Variants in STRN3 observed in about 807,000 individuals in gnomAD.
The protein encoded by STRN3 is striatin-3.
Under a neutral mutation model 95.6 loss-of-function variants are expected in STRN3, and 29 were observed. The ratio of observed to expected loss-of-function variants is 0.30; its 90% CI spans 0.23 to 0.41. STRN3 has a LOEUF of 0.41. Among genes scored for constraint, STRN3 ranks in the 10% least tolerant of loss-of-function variants. The pLI, the probability that STRN3 is intolerant of heterozygous loss-of-function variation, is 1.00. For synonymous variants in STRN3, 331 were observed against 357.6 expected (o/e 0.93, Z 0.84); for missense variants, 890 against 972.1 (o/e 0.92, Z 1.12).
chr14:30,931,238 A>G (rs1426107074), intron 7 of STRN3, among the ~76,000 whole-genome samples: 1 of 152,204 alleles, frequency 6.6e-6, no homozygotes, highest in Non-Finnish European at 1.5e-5. Context: ...TTGCCTGGTA[A>G]GTAACAGCTG....
chr14:30,990,122 C>A (rs978122838), intron 1 of STRN3, among the ~76,000 whole-genome samples: 1 of 150,638 alleles, frequency 6.6e-6, no homozygotes, highest in East Asian at 2.0e-4. Flanking sequence ...AACAGTAAAC[C>A]AGAGTGGCAA....
At chr14:30,946,587 T>C (rs1323397802) in intron 5 of STRN3, among the ~76,000 whole-genome samples, 2 of 151,978 alleles carry the variant, frequency 1.3e-5, no homozygotes, top group Admixed American at 6.6e-5. Context: ...TTGAAAGCCA[T>C]TAAACAGAAA....
intron 8 of STRN3, among the ~76,000 whole-genome samples, chr14:30,923,566 T>C (rs1460795978): frequency 6.6e-6 from 1 of 152,098 alleles, no homozygotes; most frequent in Non-Finnish European, 1.5e-5. Flanking sequence ...ATAAGTCCAC[T>C]CACTAAGAAC....
intron 8 of STRN3, among the ~76,000 whole-genome samples, chr14:30,921,700 C>G (rs1454718015): frequency 6.6e-6 from 1 of 151,928 alleles, no homozygotes; most frequent in African/African-American, 2.4e-5. Flanking sequence ...GAAGTCTTAT[C>G]AGCAATAAGA....
At chr14:30,997,849 T>G (rs148429277) in intron 1 of STRN3, among the ~76,000 whole-genome samples, 169 of 152,264 alleles carry the variant, frequency 1.1e-3, no homozygotes, top group Non-Finnish European at 1.7e-3. Context: ...TGGAGACCTC[T>G]GAAAATCTCT....
chr14:30,902,057 G>A (rs1348985183), intron 16 of STRN3, among the ~76,000 whole-genome samples: 1 of 151,472 alleles, frequency 6.6e-6, no homozygotes, highest in African/African-American at 2.4e-5. Context: ...TGTAATCCCA[G>A]CGACTCGGGA....
intron 16 of STRN3, among the ~76,000 whole-genome samples, chr14:30,900,463 G>C (rs1032824188): frequency 1.3e-5 from 2 of 150,476 alleles, no homozygotes; most frequent in South Asian, 4.2e-4. Flanking sequence ...CGGTGTGTGT[G>C]TGTGTTCAGG....
intron 1 of STRN3, among the ~76,000 whole-genome samples, chr14:30,989,911 T>C (rs996978248): frequency 6.6e-6 from 1 of 151,808 alleles, no homozygotes. Context: ...TCATCAGTTA[T>C]TGAAAGACTC....
In STRN3 at chr14:30,918,740, AAAC is replaced by A. The variant is rs533792877; in HGVS notation, c.1240+223_1240+225del. ...AAGACTCTGAATTCACCTATGATGGAAACAACAACTCCTCACATTAAAAACAAA... is the reference window on the plus strand; with the variant it reads ...AAGACTCTGAATTCACCTATGATGGAAACAACTCCTCACATTAAAAACAAA... On this transcript the variant is annotated intron_variant, in intron 9 of 17. Transcript: ENST00000357479. Among the ~76,000 whole-genome samples the A allele has an allele frequency of 2.8e-4, 42 of 152,312 alleles. No individual in the cohort carries two copies. The Middle Eastern group carries it at 0.01, about 37-fold the overall frequency.
chr14:30,920,979 T>G (rs1896864235), intron 8 of STRN3, among the ~76,000 whole-genome samples: 1 of 152,044 alleles, frequency 6.6e-6, no homozygotes, highest in African/African-American at 2.4e-5. Context: ...TCCACATAGT[T>G]TCAGTGTTCA....
chr14:30,911,133 G>A lies in STRN3; in HGVS notation c.1628C>T (p.Ser543Phe). The A allele has an allele frequency of 6.2e-7, 1 of 1,613,944 alleles. No homozygotes were observed. Among genetic ancestry groups the A allele is most frequent in the Non-Finnish European group, 8.5e-7 (1 of 1,179,988 alleles). The part of the protein sequence containing the change: ...IGPVLSLAIS[S>F]NGEQCFSGGI... ...ACCACTAAAACACTGTTCTCCATTA[G>A]AACTAATAGCTAATGACAGAACAGG... Residue 543 changes from serine to phenylalanine, a missense_variant, in exon 13 of 18, where the codon TCT becomes TTT. This residue lies in a region of STRN3 where 357 missense variants were observed against 422.8 expected (regional missense o/e 0.84). Transcript: ENST00000357479.
At chr14:30,941,771 G>A (rs905796821) in intron 5 of STRN3, among the ~76,000 whole-genome samples, 1 of 151,972 alleles carries the variant, frequency 6.6e-6, no homozygotes, top group Non-Finnish European at 1.5e-5. Context: ...GATTACAGGC[G>A]CCTGCCACCA....
Position 30,895,355 on chromosome 14 carries a change from A to T in STRN3, c.*56T>A. On this transcript the variant is annotated 3_prime_UTR_variant, in exon 18 of 18. Coordinates refer to ENST00000357479, the MANE Select transcript of STRN3 (RefSeq NM_001083893.2). ...ATCAGTAACCTTTCTGATGGCAGTGATGCAGACCCTCTTTCTGTCCAAGCA... is the reference window on the plus strand; with the variant it reads ...ATCAGTAACCTTTCTGATGGCAGTGTTGCAGACCCTCTTTCTGTCCAAGCA... 6.6e-7 allele frequency: 1 copy of T among 1,522,924 alleles called. No homozygotes were observed. Among genetic ancestry groups the T allele is most frequent in the Non-Finnish European group, 8.8e-7 (1 of 1,133,616 alleles). The allele number at this position is 1,522,924 out of a possible 1,614,324, so 94.3% of individuals were successfully genotyped here.
chr14:30,993,167 G>A (rs995584745), intron 1 of STRN3, among the ~76,000 whole-genome samples: 2 of 151,038 alleles, frequency 1.3e-5, no homozygotes, highest in South Asian at 2.1e-4. Context: ...TTGGCAGGTT[G>A]ATGCAGGAGC....
chr14:30,974,213 A>G (rs886981975), intron 1 of STRN3, among the ~76,000 whole-genome samples: 5 of 152,242 alleles, frequency 3.3e-5, no homozygotes, highest in African/African-American at 1.2e-4. Flanking sequence ...CTATGAGAAT[A>G]AATGAATCCA....
chr14:30,982,590 G>T (rs150179317), intron 1 of STRN3, among the ~76,000 whole-genome samples: 1 of 152,168 alleles, frequency 6.6e-6, no homozygotes, highest in Non-Finnish European at 1.5e-5. Flanking sequence ...GATTACAGGC[G>T]TCAGCCACTG....
In STRN3 at chr14:30,902,171, CAAAAAAAAAAAAAAAAAAAAAA is replaced by C. The variant is rs71112350; in HGVS notation, c.2137+343_2137+364del. ...GGGCAACAAGAGCAAAACTCCGCCT[CAAAAAAAAAAAAAAAAAAAAAA>C]AAAAAAAAAAAAAAATGGAAATGCC... On this transcript the variant is annotated intron_variant, in intron 16 of 17. Coordinates refer to ENST00000357479, the MANE Select transcript of STRN3 (RefSeq NM_001083893.2). Among the ~76,000 whole-genome samples the C allele has an allele frequency of 5.9e-3, 234 of 39,860 alleles. 3 individuals are homozygous for C. Among genetic ancestry groups the C allele is most frequent in the Middle Eastern group, 0.022 (1 of 46 alleles). 26.1% of individuals were successfully genotyped at this position (39,860 alleles called of 152,430 possible).
At chr14:31,003,189 G>C (rs1483318663) in intron 1 of STRN3, among the ~76,000 whole-genome samples, 1 of 150,984 alleles carries the variant, frequency 6.6e-6, no homozygotes, top group East Asian at 1.9e-4. Flanking sequence ...TTGAACCCAG[G>C]AGGCGGAGGT....
intron 15 of STRN3, among the ~76,000 whole-genome samples, chr14:30,903,555 T>C (rs186562966): frequency 6.6e-6 from 1 of 152,252 alleles, no homozygotes; most frequent in East Asian, 1.9e-4. Flanking sequence ...CACATCACCA[T>C]GCCCACCTAA....
Sources: allele counts gnomAD v4.1 joint callset (sites outside exome capture counted in the v4.1 genomes callset), GRCh38; gene constraint gnomAD v4.1.1; regional missense constraint gnomAD v4.1.1; transcripts MANE v1.5; gene names NCBI Gene and HGNC (gene_info 2026-07-23, HGNC 2026-07-21).